Variants in AGAP1 observed in about 807,000 individuals in gnomAD.
AGAP1 encodes the protein arf-GAP with GTPase, ANK repeat and PH domain-containing protein 1.
AGAP1 carries 29 observed loss-of-function variants against 105.3 expected under a neutral mutation model. The observed-to-expected ratio is 0.28, with a 90% CI of 0.21 to 0.38. AGAP1 has a LOEUF of 0.38. AGAP1 is among the 10% of genes least tolerant of loss of function. AGAP1 has a pLI of 1.00. For synonymous variants in AGAP1, 509 were observed against 485.9 expected, an observed-to-expected ratio of 1.05 and a Z score of -0.63; for missense variants, 998 against 1,165.1, an observed-to-expected ratio of 0.86 and a Z score of 2.09.
At chr2:235,626,735 A>G (rs1056244859) in intron 1 of AGAP1, among the ~76,000 whole-genome samples, 5 of 152,210 alleles carry the variant, frequency 3.3e-5, no homozygotes, top group Admixed American at 1.3e-4. Flanking sequence ...GTTTTAGTGC[A>G]CTTTCCAGAA....
chr2:235,859,519 A>G (rs974084064), intron 9 of AGAP1, among the ~76,000 whole-genome samples: 1 of 141,000 alleles, frequency 7.1e-6, no homozygotes, highest in African/African-American at 2.7e-5. Flanking sequence ...GAGGCCTTCT[A>G]GTTTCTTATT....
chr2:235,543,098 C>A (rs1175216737), intron 1 of AGAP1, among the ~76,000 whole-genome samples: 4 of 26,848 alleles, frequency 1.5e-4, no homozygotes, highest in African/African-American at 5.9e-4. Flanking sequence ...TCCTCCCCCT[C>A]CCCCCCCCCC....
rs1347046255 is a variant in AGAP1 at position 235,662,372 on chromosome 2, T to C, written c.164-46807T>C. Among the ~76,000 whole-genome samples, 5 of 152,174 alleles carry C rather than the reference T, an allele frequency of 3.3e-5. No homozygotes were observed. The highest frequency in any genetic ancestry group is 4.4e-5 in the Non-Finnish European group (3 of 68,020). On this transcript the variant is annotated intron_variant, in intron 1 of 17. Transcript: ENST00000304032. The surrounding 1 kb of genome is among the most constrained non-coding windows in gnomAD (Gnocchi z 4.2). Reference sequence around the variant, plus strand: ...GTCTTGGTATGTAACCAACCAGGTCTCACCTTCAGCCACACTCCTAGGGAC... The same window carrying C: ...GTCTTGGTATGTAACCAACCAGGTCCCACCTTCAGCCACACTCCTAGGGAC...
At chr2:235,911,215 A>G (rs1334703558) in intron 11 of AGAP1, among the ~76,000 whole-genome samples, 1 of 152,188 alleles carries the variant, frequency 6.6e-6, no homozygotes, top group Non-Finnish European at 1.5e-5. Context: ...TGGAGTTTCT[A>G]ACGTGTGCCT....
rs1438393963 is a variant in AGAP1, at chr2:235,692,720, T to G, written c.164-16459T>G. Among the ~76,000 whole-genome samples the G allele has an allele frequency of 1.3e-5, 2 of 152,166 alleles. No homozygotes were observed. Among genetic ancestry groups the G allele is most frequent in the Admixed American group, 6.5e-5 (1 of 15,282 alleles). ...ACCCCGCCAGCCTCCCTGCTTATCC[T>G]TCCCTGCCGCCTCGTGTGTCCTGCA... On this transcript the variant is annotated intron_variant, in intron 1 of 17. Transcript: ENST00000304032. The surrounding 1 kb of genome is among the most constrained non-coding windows in gnomAD (Gnocchi z 5.8).
intron 1 of AGAP1, among the ~76,000 whole-genome samples, chr2:235,678,200 C>T (rs1427469986): frequency 2.0e-5 from 3 of 152,146 alleles, no homozygotes. Context: ...AACTAGAATC[C>T]CAACCTTCTG....
rs1026390821 is a variant in AGAP1, at chr2:235,709,844, C to G, written c.222+607C>G. On this transcript the variant is annotated intron_variant, in intron 2 of 17. Transcript: ENST00000304032. ...ACCCTTTCCAGCCGCTCCCCTCTAC[C>G]GTAGGATGGAAGGAAGGGGCAAGTC... Among the ~76,000 whole-genome samples the G allele has an allele frequency of 3.3e-5, 5 of 152,232 alleles. 1 individual carries two copies. The highest frequency in any genetic ancestry group is 1.2e-4 in the African/African-American group (5 of 41,560).
intron 1 of AGAP1, among the ~76,000 whole-genome samples, chr2:235,527,994 GA>G (rs1419728392): frequency 6.6e-5 from 10 of 152,122 alleles, no homozygotes; most frequent in Non-Finnish European, 5.9e-5. Context: ...CACTTCTTTG[GA>G]CATGTAAGTC....
chr2:235,935,835 G>A (rs1244001670), intron 12 of AGAP1, among the ~76,000 whole-genome samples: 18 of 152,128 alleles, frequency 1.2e-4, no homozygotes, highest in Admixed American at 1.2e-3. Flanking sequence ...GGTAGCAGGG[G>A]CCCTGGGGGG....
intron 1 of AGAP1, among the ~76,000 whole-genome samples, chr2:235,597,200 C>G (rs550104750): frequency 9.8e-5 from 15 of 152,360 alleles, no homozygotes; most frequent in African/African-American, 2.9e-4. Context: ...TGTGGTTCAG[C>G]GTTGTCACCC....
chr2:236,090,231 C>T lies in AGAP1; in HGVS notation c.2115-29961C>T, dbSNP rs535878613. 2.6e-5 allele frequency among the ~76,000 whole-genome samples: 4 copies of T among 152,150 alleles called. No individual in the cohort carries two copies. Among genetic ancestry groups the T allele is most frequent in the Non-Finnish European group, 5.9e-5 (4 of 68,038 alleles). On this transcript the variant is annotated intron_variant, in intron 16 of 17. Coordinates refer to ENST00000304032, the MANE Select transcript of AGAP1 (RefSeq NM_001037131.3). The surrounding 1 kb of genome is among the most constrained non-coding windows in gnomAD (Gnocchi z 4.3). ...TGGCAGTTTTGTGGTCGTTCGCACC[C>T]AGGACTTTGATGTTCCTACTGATAT...
intron 1 of AGAP1, among the ~76,000 whole-genome samples, chr2:235,581,283 G>T (rs1190118540): frequency 4.0e-5 from 6 of 151,284 alleles, no homozygotes; most frequent in Non-Finnish European, 5.9e-5. Flanking sequence ...CTCTAGCCTG[G>T]GTGACAAGAG....
chr2:235,564,540 T>C (rs994630164), intron 1 of AGAP1, among the ~76,000 whole-genome samples: 3 of 152,224 alleles, frequency 2.0e-5, no homozygotes, highest in Non-Finnish European at 2.9e-5. Flanking sequence ...TCACATGTAG[T>C]TGAGGGCCTG....
At chr2:235,870,344 C>T (rs566400195) in intron 9 of AGAP1, among the ~76,000 whole-genome samples, 2 of 152,266 alleles carry the variant, frequency 1.3e-5, no homozygotes, top group Non-Finnish European at 2.9e-5. Context: ...AGCAGATACC[C>T]TTATTCTAAA....
Position 235,549,183 on chromosome 2 carries a change from C to T in AGAP1, c.163+54334C>T, listed in dbSNP as rs950212570. Among the ~76,000 whole-genome samples the T allele has an allele frequency of 3.3e-5, 5 of 152,184 alleles. No homozygotes were observed. The highest frequency in any genetic ancestry group is 6.5e-5 in the Admixed American group (1 of 15,280). On this transcript the variant is annotated intron_variant, in intron 1 of 17. Transcript: ENST00000304032. The surrounding 1 kb of genome is among the most constrained non-coding windows in gnomAD (Gnocchi z 4.2). ...CTAGTTCTTTGAGGACAGTTTGCCACGTTCAGCAGGATTTTCCAGACCTTT... is the reference window on the plus strand; with the variant it reads ...CTAGTTCTTTGAGGACAGTTTGCCATGTTCAGCAGGATTTTCCAGACCTTT...
Position 236,020,416 on chromosome 2 carries a change from T to G in AGAP1, c.1646-16145T>G, listed in dbSNP as rs1576080949. 6.6e-6 allele frequency among the ~76,000 whole-genome samples: 1 copy of G among 152,216 alleles called. No individual in the cohort carries two copies. The highest frequency in any genetic ancestry group is 1.5e-5 in the Non-Finnish European group (1 of 68,040). On this transcript the variant is annotated intron_variant, in intron 13 of 17. Coordinates refer to ENST00000304032, the MANE Select transcript of AGAP1 (RefSeq NM_001037131.3). The surrounding 1 kb of genome is among the most constrained non-coding windows in gnomAD (Gnocchi z 5.0). ...GAAACTTAACCTGTTATCTAGACTT[T>G]TAAACCTACCCTCCTGCTTCCATTT...
At position 235,994,788 on chromosome 2, in the gene AGAP1, CG is replaced by C. The variant is rs1477259174; in HGVS notation, c.1645+26168del. Among the ~76,000 whole-genome samples the C allele has an allele frequency of 2.7e-5, 4 of 150,398 alleles. No individual in the cohort carries two copies. The East Asian group carries it at 7.8e-4, about 29-fold the overall frequency. Reference sequence around the variant, plus strand: ...TTTTTAAACTAAAATTAGAATAGGCCGGGCCCAATGGCTCACACCTGTAATC... The same window carrying C: ...TTTTTAAACTAAAATTAGAATAGGCCGGCCCAATGGCTCACACCTGTAATC... On this transcript the variant is annotated intron_variant, in intron 13 of 17. Coordinates refer to ENST00000304032, the MANE Select transcript of AGAP1 (RefSeq NM_001037131.3). The surrounding 1 kb of genome is among the most constrained non-coding windows in gnomAD (Gnocchi z 4.4).
chr2:235,605,266 G>A (rs1347832112), intron 1 of AGAP1, among the ~76,000 whole-genome samples: 3 of 152,152 alleles, frequency 2.0e-5, no homozygotes, highest in Non-Finnish European at 4.4e-5. Flanking sequence ...CACATTCCAG[G>A]TGCTGAGCTG....
chr2:236,067,689 G>A (rs577633704), intron 16 of AGAP1, among the ~76,000 whole-genome samples: 21 of 152,294 alleles, frequency 1.4e-4, no homozygotes, highest in Admixed American at 3.3e-4. Flanking sequence ...AAGAGAATGG[G>A]GTCCTGTCTT....
Sources: allele counts gnomAD v4.1 joint callset (sites outside exome capture counted in the v4.1 genomes callset), GRCh38; gene constraint gnomAD v4.1.1; non-coding constraint Gnocchi (gnomAD v3.1); transcripts MANE v1.5; gene names NCBI Gene and HGNC (gene_info 2026-07-23, HGNC 2026-07-21).